Variants in ZNF516 observed in about 807,000 individuals in gnomAD.
ZNF516 encodes zinc finger protein 516.
In ZNF516, 19 loss-of-function variants were observed where a neutral mutation model predicts 79.7. The ratio of observed to expected loss-of-function variants is 0.24; its 90% CI spans 0.17 to 0.35. The LOEUF is 0.35. Among genes scored for constraint, ZNF516 ranks in the 10% least tolerant of loss-of-function variants. The pLI is 1.00. For missense variants in ZNF516, 1,678 were observed against 1,679.5 expected (o/e 1.00, Z 0.02); for synonymous variants, 877 against 739.5 (o/e 1.19, Z -3.02).
intron 1 of ZNF516, among the ~76,000 whole-genome samples, chr18:76,489,275 C>T (rs575003079): frequency 5.8e-4 from 88 of 152,330 alleles, no homozygotes; most frequent in African/African-American, 1.8e-3. Flanking sequence ...CTAAACTCTA[C>T]GTAAATTGCT....
At chr18:76,377,244 G>A (rs571379065) in intron 4 of ZNF516, among the ~76,000 whole-genome samples, 2 of 152,358 alleles carry the variant, frequency 1.3e-5, no homozygotes, top group Admixed American at 6.5e-5. Flanking sequence ...CCTCAGGGAC[G>A]CCACTCCTGA....
chr18:76,371,633 G>T, intron 4 of ZNF516, 62 bp from the exon 5 acceptor site: 5 of 1,389,440 alleles, frequency 3.6e-6, no homozygotes, highest in Non-Finnish European at 5.0e-6. Flanking sequence ...AGGTGAGGAG[G>T]CAGGAGAGCG....
chr18:76,395,627 G>T (rs1230357637), intron 3 of ZNF516, among the ~76,000 whole-genome samples: 1 of 152,056 alleles, frequency 6.6e-6, no homozygotes, highest in Admixed American at 6.6e-5. Context: ...CCTCGAGTGG[G>T]TGCTGAGGTG....
At position 76,459,708 on chromosome 18, in the gene ZNF516, G is replaced by A. The variant is rs183566690; in HGVS notation, c.-158+3320C>T. Among the ~76,000 whole-genome samples the A allele has an allele frequency of 9.9e-4, 150 of 152,252 alleles. 1 individual carries two copies. The highest frequency in any genetic ancestry group is 3.4e-3 in the African/African-American group (142 of 41,554). Reference sequence around the variant, plus strand: ...AAGTGGCAGGGCAGGAGGTAGAACCGGAAGCCTCACGCTACACCAGGCACT... The same window carrying A: ...AAGTGGCAGGGCAGGAGGTAGAACCAGAAGCCTCACGCTACACCAGGCACT... On this transcript the variant is annotated intron_variant, in intron 2 of 6. Transcript: ENST00000443185. This position sits in a 1 kb window ranked among gnomAD's most constrained non-coding sequence, Gnocchi z 5.0.
chr18:76,471,713 G>A (rs1026008030), intron 1 of ZNF516, among the ~76,000 whole-genome samples: 5 of 152,064 alleles, frequency 3.3e-5, no homozygotes, highest in Non-Finnish European at 5.9e-5. Flanking sequence ...AATTGGAGCC[G>A]ACTTCCCCCA....
intron 1 of ZNF516, chr18:76,490,272 C>T: frequency 2.8e-5 from 25 of 892,824 alleles, no homozygotes; most frequent in Non-Finnish European, 3.2e-5. Context: ...CGCAACTTCA[C>T]TCTCCAATTT....
At chr18:76,487,007 G>A (rs1454037262) in intron 1 of ZNF516, among the ~76,000 whole-genome samples, 1 of 152,050 alleles carries the variant, frequency 6.6e-6, no homozygotes, top group Non-Finnish European at 1.5e-5. Context: ...TCTCCTGCTT[G>A]TGTTTTAGTC....
chr18:76,418,363 A>G (rs543427622), intron 3 of ZNF516, among the ~76,000 whole-genome samples: 20 of 151,914 alleles, frequency 1.3e-4, no homozygotes, highest in Non-Finnish European at 2.2e-4. Flanking sequence ...GCTGTAACAC[A>G]CTGTAACACT....
At chr18:76,431,978 G>A (rs1235216872) in intron 3 of ZNF516, among the ~76,000 whole-genome samples, 6 of 152,236 alleles carry the variant, frequency 3.9e-5, no homozygotes, top group African/African-American at 7.2e-5. Flanking sequence ...CTGCCCTGGC[G>A]GGAACAGGAC....
rs946724699 is a variant in ZNF516 at position 76,358,305 on chromosome 18, T to C, written c.*4193A>G. The C allele has an allele frequency of 2.0e-5, 3 of 152,240 alleles. No individual in the cohort carries two copies. The highest frequency in any genetic ancestry group is 4.4e-5 in the Non-Finnish European group (3 of 68,032). The allele number at this position is 152,240 out of a possible 1,614,324, so 9.4% of individuals were successfully genotyped here. On this transcript the variant is annotated 3_prime_UTR_variant, in exon 7 of 7. Transcript: ENST00000443185. Reference sequence around the variant, plus strand: ...AATTACTTTTTCAGAAATAGTTAAATACATCAATCTAGTTACAAATTCTAA... The same window carrying C: ...AATTACTTTTTCAGAAATAGTTAAACACATCAATCTAGTTACAAATTCTAA...
At chr18:76,413,521 C>T (rs2075396916) in intron 3 of ZNF516, among the ~76,000 whole-genome samples, 1 of 152,070 alleles carries the variant, frequency 6.6e-6, no homozygotes, top group Non-Finnish European at 1.5e-5. Context: ...ACTACATTCA[C>T]TTTATATGAC....
chr18:76,441,901 T>C lies in ZNF516; in HGVS notation c.1154A>G (p.Gln385Arg). The change falls in exon 3 of 7, where the codon CAG becomes CGG. Residue 385 changes from glutamine (Q) to arginine (R), a missense_variant. By Grantham distance (43) the Gln-to-Arg change is conservative. Coordinates refer to ENST00000443185, the MANE Select transcript of ZNF516 (RefSeq NM_014643.4). ...CGCCGACGGCCTCAGGTTCAGGCACTGGAGGAAGAACTGCTTGGTGTCCGA... is the reference window on the plus strand; with the variant it reads ...CGCCGACGGCCTCAGGTTCAGGCACCGGAGGAAGAACTGCTTGGTGTCCGA... ...GPSDTKQFFL[Q>R]CLNLRPSAAG... 6.2e-7 allele frequency: 1 copy of C among 1,601,044 alleles called. No homozygotes were observed. Among genetic ancestry groups the C allele is most frequent in the Non-Finnish European group, 8.5e-7 (1 of 1,177,532 alleles).
intron 3 of ZNF516, among the ~76,000 whole-genome samples, chr18:76,384,632 G>A (rs371997764): frequency 8.1e-5 from 12 of 147,724 alleles, no homozygotes; most frequent in African/African-American, 2.0e-4. Context: ...GGGACCTGGC[G>A]TAGGTGGCTT....
chr18:76,430,739 T>C (rs2075650765), intron 3 of ZNF516, among the ~76,000 whole-genome samples: 1 of 152,232 alleles, frequency 6.6e-6, no homozygotes, highest in Non-Finnish European at 1.5e-5. Context: ...TTATTCATAG[T>C]GCTGAACGTA....
intron 1 of ZNF516, among the ~76,000 whole-genome samples, chr18:76,464,377 C>CAGAA (rs1172812564): frequency 6.6e-6 from 1 of 152,106 alleles, no homozygotes; most frequent in Non-Finnish European, 1.5e-5. Context: ...GTCTCAAAAA[C>CAGAA]AGAAAGTGGG....
intron 3 of ZNF516, among the ~76,000 whole-genome samples, chr18:76,390,661 G>A (rs1375636773): frequency 1.3e-5 from 2 of 152,206 alleles, no homozygotes; most frequent in African/African-American, 2.4e-5. Context: ...CCCGGGTCCC[G>A]CAGGCAGGAG....
At chr18:76,392,446 G>A (rs2075086783) in intron 3 of ZNF516, among the ~76,000 whole-genome samples, 1 of 152,126 alleles carries the variant, frequency 6.6e-6, no homozygotes, top group Non-Finnish European at 1.5e-5. Flanking sequence ...AGCCTGGGAA[G>A]CCCTTTGCAT....
chr18:76,372,211 C>G (rs2074719821), intron 4 of ZNF516, among the ~76,000 whole-genome samples: 1 of 152,262 alleles, frequency 6.6e-6, no homozygotes, highest in African/African-American at 2.4e-5. Flanking sequence ...CCCCAAAGAT[C>G]ATGCCACATC....
intron 3 of ZNF516, among the ~76,000 whole-genome samples, chr18:76,384,391 C>T (rs1235898599): frequency 1.5e-5 from 2 of 135,320 alleles, no homozygotes; most frequent in Non-Finnish European, 3.2e-5. Flanking sequence ...CACCACGGGC[C>T]GCACCCCTTT....
Sources: gnomAD v4.1 joint callset for allele counts (sites outside exome capture counted in the v4.1 genomes callset) on GRCh38, gnomAD v4.1.1 for gene constraint, Gnocchi (gnomAD v3.1) non-coding constraint, MANE v1.5 for transcripts, NCBI Gene and HGNC (gene_info 2026-07-23, HGNC 2026-07-21) for gene names.